Variants in CACNA2D3 observed in about 807,000 individuals in gnomAD.
CACNA2D3 encodes the protein voltage-dependent calcium channel subunit alpha-2/delta-3.
CACNA2D3 carries 60 observed loss-of-function variants against 160.6 expected under a neutral mutation model. The ratio of observed to expected loss-of-function variants is 0.37; its 90% confidence interval spans 0.30 to 0.46. The LOEUF (loss-of-function observed/expected upper bound fraction) is 0.46. Ranked by LOEUF, CACNA2D3 falls within the 20% of genes least tolerant of loss-of-function variation. The pLI, the probability that CACNA2D3 is intolerant of heterozygous loss-of-function variation, is 1.00. For missense variants in CACNA2D3, 1,205 were observed against 1,365.0 expected (o/e 0.88, Z 1.85); for synonymous variants, 558 against 492.9 (o/e 1.13, Z -1.75).
intron 3 of CACNA2D3, among the ~76,000 whole-genome samples, chr3:54,352,501 C>G (rs1192896737): frequency 6.6e-6 from 1 of 152,180 alleles, no homozygotes; most frequent in Non-Finnish European, 1.5e-5. Context: ...AGTTGTAACT[C>G]AGGAGGTCAC....
chr3:54,257,950 G>A (rs1457134755), intron 2 of CACNA2D3, among the ~76,000 whole-genome samples: 2 of 152,200 alleles, frequency 1.3e-5, no homozygotes. Context: ...TCGACAAATT[G>A]ACCATTACAT....
intron 4 of CACNA2D3, among the ~76,000 whole-genome samples, chr3:54,475,025 A>T (rs1700804361): frequency 6.6e-6 from 1 of 152,168 alleles, no homozygotes. Context: ...CAAACTTTTC[A>T]CCCTGACTGA....
intron 27 of CACNA2D3, chr3:54,924,895 G>C (rs1449568560): frequency 1.9e-6 from 3 of 1,613,848 alleles, no homozygotes; most frequent in Non-Finnish European, 2.5e-6. Context: ...AGGGAAAGGA[G>C]TGAATTCTGG....
intron 29 of CACNA2D3, among the ~76,000 whole-genome samples, chr3:54,973,545 A>G (rs3773590): frequency 0.53 from 79,866 of 151,974 alleles, 21,297 homozygotes; most frequent in East Asian, 0.73. Context: ...GACTTTTCTA[A>G]GGCTTGTAGG....
intron 2 of CACNA2D3, among the ~76,000 whole-genome samples, chr3:54,247,864 TGCCTAGTACC>T (rs1702110789): frequency 8.9e-4 from 2 of 2,254 alleles, no homozygotes; most frequent in Non-Finnish European, 3.0e-3. Context: ...ATATCTGCCA[TGCCTAGTACC>T]ATGCCTAGTA....
intron 10 of CACNA2D3, among the ~76,000 whole-genome samples, chr3:54,636,221 C>T (rs1212189869): frequency 6.6e-6 from 1 of 151,924 alleles, no homozygotes; most frequent in African/African-American, 2.4e-5. Flanking sequence ...GCGATTAGGC[C>T]TGGTGGAACT....
At chr3:55,054,845 A>G (rs1704323602) in intron 35 of CACNA2D3, among the ~76,000 whole-genome samples, 1 of 151,920 alleles carries the variant, frequency 6.6e-6, no homozygotes, top group Admixed American at 6.6e-5. Context: ...TTATTGTAGC[A>G]TGTGTTTAAA....
At chr3:54,715,935 A>G (rs754677083) in intron 11 of CACNA2D3, among the ~76,000 whole-genome samples, 1 of 152,174 alleles carries the variant, frequency 6.6e-6, no homozygotes, top group Non-Finnish European at 1.5e-5. Flanking sequence ...TCAGGGTACA[A>G]ACTTGCAGTT....
At chr3:54,596,806 T>A (rs1222921915) in intron 9 of CACNA2D3, among the ~76,000 whole-genome samples, 1 of 152,136 alleles carries the variant, frequency 6.6e-6, no homozygotes, top group Admixed American at 6.5e-5. Context: ...CTTCCTGTTC[T>A]CCCACACTCC....
chr3:54,205,126 C>T (rs538372866), intron 2 of CACNA2D3, among the ~76,000 whole-genome samples: 8 of 152,132 alleles, frequency 5.3e-5, no homozygotes, highest in African/African-American at 1.9e-4. Flanking sequence ...TGGCATGACA[C>T]CTGACTAACC....
chr3:54,456,238 G>A (rs1282635067), intron 4 of CACNA2D3, among the ~76,000 whole-genome samples: 1 of 151,786 alleles, frequency 6.6e-6, no homozygotes, highest in Non-Finnish European at 1.5e-5. Flanking sequence ...TCTTTCATCA[G>A]TGTTCATAGA....
At chr3:54,728,876 T>C (rs888569973) in intron 11 of CACNA2D3, among the ~76,000 whole-genome samples, 2 of 152,226 alleles carry the variant, frequency 1.3e-5, no homozygotes, top group Non-Finnish European at 2.9e-5. Context: ...ATGGTCAGGT[T>C]CTCTGCTTAA....
At chr3:55,069,370 C>T (rs1020904797) in intron 35 of CACNA2D3, among the ~76,000 whole-genome samples, 2 of 152,010 alleles carry the variant, frequency 1.3e-5, no homozygotes, top group African/African-American at 4.8e-5. Context: ...TGTTCCTTTC[C>T]ACCACCATTG....
Position 55,037,421 on chromosome 3 carries a change from A to G in CACNA2D3, c.2987+19104A>G, listed in dbSNP as rs79115642. Among the ~76,000 whole-genome samples the G allele has an allele frequency of 7.7e-3, 1,174 of 152,298 alleles. 11 individuals are homozygous for G. Among genetic ancestry groups the G allele is most frequent in the African/African-American group, 0.026 (1,073 of 41,566 alleles). ...TGAGCTTGGAATCAGGGCTTCAGGA[A>G]AACCTCAACCAACTCCCTCAGACAT... On this transcript the variant is annotated intron_variant, in intron 35 of 37. Transcript: ENST00000474759.
chr3:54,515,030 C>T (rs1249874527), intron 5 of CACNA2D3, among the ~76,000 whole-genome samples: 1 of 152,136 alleles, frequency 6.6e-6, no homozygotes, highest in Non-Finnish European at 1.5e-5. Flanking sequence ...TATCATGGAA[C>T]GTCTCAGAAG....
intron 2 of CACNA2D3, among the ~76,000 whole-genome samples, chr3:54,291,981 A>G (rs557514126): frequency 2.0e-5 from 3 of 152,364 alleles, no homozygotes; most frequent in South Asian, 2.1e-4. Context: ...GAAAAACAAC[A>G]TTAGTTTGAT....
intron 4 of CACNA2D3, among the ~76,000 whole-genome samples, chr3:54,407,604 A>C (rs1388511557): frequency 1.3e-5 from 2 of 152,204 alleles, no homozygotes; most frequent in African/African-American, 4.8e-5. Context: ...CACACATCTG[A>C]TCCAAACACA....
chr3:54,730,586 T>C (rs1295108015), intron 11 of CACNA2D3, among the ~76,000 whole-genome samples: 1 of 152,176 alleles, frequency 6.6e-6, no homozygotes, highest in Non-Finnish European at 1.5e-5. Context: ...CACTGCAACC[T>C]CCGCCTCCTG....
chr3:54,271,187 A>C lies in CACNA2D3; in HGVS notation c.205-49255A>C, dbSNP rs181025257. Reference sequence around the variant, plus strand: ...ACGTTTCCTGGGCCTTGATTTCACCACCTATAAAATGAGACAGCTGGGCTC... The same window carrying C: ...ACGTTTCCTGGGCCTTGATTTCACCCCCTATAAAATGAGACAGCTGGGCTC... On this transcript the variant is annotated intron_variant, in intron 2 of 37. Coordinates refer to ENST00000474759, the MANE Select transcript of CACNA2D3 (RefSeq NM_018398.3). Among the ~76,000 whole-genome samples, 485 of 152,236 alleles carry C rather than the reference A, an allele frequency of 3.2e-3. 1 individual carries two copies. The highest frequency in any genetic ancestry group is 0.014 in the Middle Eastern group (4 of 294).
Sources: allele counts gnomAD v4.1 joint callset (sites outside exome capture counted in the v4.1 genomes callset), GRCh38; gene constraint gnomAD v4.1.1; transcripts MANE v1.5; gene names NCBI Gene and HGNC (gene_info 2026-07-23, HGNC 2026-07-21).